The following CACNA2D1 variants were observed in gnomAD, a reference collection of about 807,000 sequenced individuals.
CACNA2D1 encodes the protein voltage-dependent calcium channel subunit alpha-2/delta-1.
A neutral mutation model predicts 171.5 loss-of-function variants in CACNA2D1; 53 were observed. The ratio of observed to expected loss-of-function variants is 0.31; its 90% CI spans 0.25 to 0.39. CACNA2D1 has a LOEUF of 0.39. Among genes scored for constraint, CACNA2D1 ranks in the 10% least tolerant of loss-of-function variants. The pLI is 1.00. For missense variants in CACNA2D1, 903 were observed against 1,299.8 expected, an observed-to-expected ratio of 0.69 and a Z score of 4.69; for synonymous variants, 442 against 443.1, an observed-to-expected ratio of 1.00 and a Z score of 0.03.
chr7:82,168,938 T>C (rs1223642655), intron 4 of CACNA2D1, among the ~76,000 whole-genome samples: 3 of 152,050 alleles, frequency 2.0e-5, no homozygotes, highest in Non-Finnish European at 4.4e-5. Context: ...TTACTGAAGA[T>C]TCAAACTAAA....
At chr7:82,120,959 A>G (rs1421952434) in intron 5 of CACNA2D1, among the ~76,000 whole-genome samples, 1 of 151,914 alleles carries the variant, frequency 6.6e-6, no homozygotes, top group East Asian at 1.9e-4. Context: ...TGTTATGGCT[A>G]GTTCAGCATT....
intron 5 of CACNA2D1, among the ~76,000 whole-genome samples, chr7:82,117,788 T>C (rs10243881): frequency 0.22 from 32,944 of 151,894 alleles, 3,997 homozygotes; most frequent in African/African-American, 0.33. Context: ...CTCAAATAAA[T>C]AAACAAACAA....
In CACNA2D1 at chr7:82,111,398, A is replaced by G. The variant is rs1213336441; in HGVS notation, c.526+5646T>C. Among the ~76,000 whole-genome samples the G allele has an allele frequency of 2.8e-3, 239 of 86,422 alleles. 2 individuals are homozygous for G. The highest frequency in any genetic ancestry group is 8.9e-3 in the African/African-American group (226 of 25,410). 56.7% of individuals were successfully genotyped at this position (86,422 alleles called of 152,430 possible). On this transcript the variant is annotated intron_variant, in intron 6 of 38. Coordinates refer to ENST00000356860, the MANE Select transcript of CACNA2D1 (RefSeq NM_000722.4). ...TATTCATATATGTGTATATATGTATATATATATTCATATATGTGTATATAT... is the reference window on the plus strand; with the variant it reads ...TATTCATATATGTGTATATATGTATGTATATATTCATATATGTGTATATAT...
chr7:82,035,363 G>A (rs1803181641), intron 11 of CACNA2D1, among the ~76,000 whole-genome samples: 1 of 151,022 alleles, frequency 6.6e-6, no homozygotes, highest in Admixed American at 6.6e-5. Context: ...AAACCAGAAT[G>A]GCATTTGAGC....
chr7:82,224,141 G>A (rs926751634), intron 3 of CACNA2D1, among the ~76,000 whole-genome samples: 2 of 152,086 alleles, frequency 1.3e-5, no homozygotes, highest in Non-Finnish European at 2.9e-5. Context: ...ATCGACAGCA[G>A]TGCCTGATAC....
At chr7:82,133,813 CTG>C (rs2129073720) in intron 5 of CACNA2D1, among the ~76,000 whole-genome samples, 1 of 152,312 alleles carries the variant, frequency 6.6e-6, no homozygotes, top group South Asian at 2.1e-4. Flanking sequence ...TGGCTCACGC[CTG>C]TAATCCCAGC....
intron 10 of CACNA2D1, among the ~76,000 whole-genome samples, chr7:82,045,248 T>C (rs1345272288): frequency 6.6e-6 from 1 of 152,094 alleles, no homozygotes; most frequent in East Asian, 1.9e-4. Context: ...TTTGCTGAAC[T>C]GTAAATAAAA....
intron 1 of CACNA2D1, among the ~76,000 whole-genome samples, chr7:82,406,798 T>A (rs1411464964): frequency 2.0e-5 from 3 of 152,224 alleles, no homozygotes; most frequent in Admixed American, 6.5e-5. Flanking sequence ...ATATTAGTTT[T>A]GGGGACAAGT....
At chr7:82,328,700 T>G (rs2129443230) in intron 3 of CACNA2D1, among the ~76,000 whole-genome samples, 1 of 152,218 alleles carries the variant, frequency 6.6e-6, no homozygotes, top group Non-Finnish European at 1.5e-5. Context: ...TCCTCCAGTC[T>G]CAAAAATAGA....
At chr7:82,441,772 G>C (rs1480454347) in intron 1 of CACNA2D1, among the ~76,000 whole-genome samples, 2 of 152,116 alleles carry the variant, frequency 1.3e-5, no homozygotes, top group African/African-American at 4.8e-5. Context: ...CATTTAGGAA[G>C]TGATTGTTTT....
At chr7:82,092,914 G>A (rs1015819646) in intron 6 of CACNA2D1, among the ~76,000 whole-genome samples, 1 of 151,872 alleles carries the variant, frequency 6.6e-6, no homozygotes, top group Non-Finnish European at 1.5e-5. Context: ...GAAACTCTGA[G>A]AGCAGAGAAA....
intron 3 of CACNA2D1, among the ~76,000 whole-genome samples, chr7:82,254,041 A>G (rs1032158982): frequency 3.9e-5 from 6 of 152,216 alleles, no homozygotes; most frequent in African/African-American, 1.4e-4. Context: ...TTTACCGAAA[A>G]TAAATAGTAA....
chr7:82,282,414 C>T (rs552533886), intron 3 of CACNA2D1, among the ~76,000 whole-genome samples: 1 of 152,198 alleles, frequency 6.6e-6, no homozygotes, highest in Non-Finnish European at 1.5e-5. Context: ...AGTATGCTCC[C>T]AACAAGTTCC....
intron 3 of CACNA2D1, among the ~76,000 whole-genome samples, chr7:82,235,367 G>A (rs1490559893): frequency 6.6e-6 from 1 of 152,100 alleles, no homozygotes; most frequent in Non-Finnish European, 1.5e-5. Flanking sequence ...ATACTTTAGT[G>A]CCTTCAAAGA....
intron 3 of CACNA2D1, among the ~76,000 whole-genome samples, chr7:82,296,055 A>G (rs1812240874): frequency 6.6e-6 from 1 of 151,592 alleles, no homozygotes; most frequent in South Asian, 2.1e-4. Context: ...TGGGAATTGA[A>G]CAATGAGAAC....
chr7:82,320,929 T>TTATATAAAGCCATTTTTATA (rs1563362789), intron 3 of CACNA2D1, among the ~76,000 whole-genome samples: 2 of 148,626 alleles, frequency 1.3e-5, no homozygotes, highest in African/African-American at 5.0e-5. Flanking sequence ...AGTTAATGGC[T>TTATATAAAGCCATTTTTATA]TATATAAAGC....
At chr7:82,422,175 T>C (rs905134337) in intron 1 of CACNA2D1, among the ~76,000 whole-genome samples, 1 of 152,160 alleles carries the variant, frequency 6.6e-6, no homozygotes. Context: ...GATGTGCACA[T>C]AAAATGTAAT....
At chr7:82,094,544 T>C (rs751677530) in intron 6 of CACNA2D1, among the ~76,000 whole-genome samples, 3 of 152,204 alleles carry the variant, frequency 2.0e-5, no homozygotes, top group Non-Finnish European at 4.4e-5. Context: ...AATGTACTCA[T>C]TAGAGTTGAC....
At chr7:82,000,486 A>G (rs1245542402) in intron 18 of CACNA2D1, among the ~76,000 whole-genome samples, 1 of 152,180 alleles carries the variant, frequency 6.6e-6, no homozygotes, top group Non-Finnish European at 1.5e-5. Flanking sequence ...GGAGTGCTCA[A>G]GAACACAGTG....
Sources: allele counts gnomAD v4.1 joint callset (sites outside exome capture counted in the v4.1 genomes callset), GRCh38; gene constraint gnomAD v4.1.1; transcripts MANE v1.5; gene names NCBI Gene and HGNC (gene_info 2026-07-23, HGNC 2026-07-21).